BRAF: variants seen among roughly 807,000 people sequenced by gnomAD.
BRAF encodes the protein serine/threonine-protein kinase B-raf.
BRAF carries 16 observed loss-of-function variants against 104.6 expected under a neutral mutation model. That is an observed-to-expected ratio of 0.15 (90% CI 0.10 to 0.23). The LOEUF (loss-of-function observed/expected upper bound fraction) is 0.23, where lower values mean the gene tolerates loss of function less well. Ranked by LOEUF, BRAF falls within the 10% of genes least tolerant of loss-of-function variation. The probability of loss-of-function intolerance (pLI) is 1.00; values close to 1 mark genes in which losing one functional copy is unlikely to be tolerated. For synonymous variants in BRAF, 310 were observed against 341.6 expected, an observed-to-expected ratio of 0.91 and a Z score of 1.02; for missense variants, 541 against 937.3, an observed-to-expected ratio of 0.58 and a Z score of 5.52.
At chr7:140,745,048 G>A (rs540906516) in intron 17 of BRAF, among the ~76,000 whole-genome samples, 10 of 152,098 alleles carry the variant, frequency 6.6e-5, no homozygotes, top group African/African-American at 2.2e-4. Context: ...AATACAAATA[G>A]TTTGAAGAGA....
intron 1 of BRAF, among the ~76,000 whole-genome samples, chr7:140,914,966 G>GT (rs1817424793): frequency 3.5e-5 from 2 of 57,816 alleles, no homozygotes; most frequent in Admixed American, 1.4e-4. Context: ...CTTGAACCCG[G>GT]GGGGGGGGGG....
chr7:140,765,157 T>C (rs982834730), intron 14 of BRAF, among the ~76,000 whole-genome samples: 14 of 152,118 alleles, frequency 9.2e-5, no homozygotes, highest in Non-Finnish European at 1.8e-4. Flanking sequence ...TATCTACAAC[T>C]ATCTGATCTT....
intron 8 of BRAF, among the ~76,000 whole-genome samples, chr7:140,789,103 GGA>G (rs1269794168): frequency 1.3e-5 from 2 of 151,900 alleles, no homozygotes; most frequent in African/African-American, 4.8e-5. Flanking sequence ...TAGATACTCA[GGA>G]GGCTGAGGCA....
intron 8 of BRAF, among the ~76,000 whole-genome samples, chr7:140,787,875 A>G (rs1801555342): frequency 6.6e-6 from 1 of 152,202 alleles, no homozygotes; most frequent in South Asian, 2.1e-4. Context: ...TCAACAATCT[A>G]ATGCAGGAGC....
At chr7:140,884,458 T>C (rs919875395) in intron 1 of BRAF, among the ~76,000 whole-genome samples, 2 of 149,392 alleles carry the variant, frequency 1.3e-5, no homozygotes, top group African/African-American at 5.0e-5. Flanking sequence ...TGTGTGTGTG[T>C]GTGTGTGTGT....
At chr7:140,716,524 GTA>G, downstream of BRAF, among the ~76,000 whole-genome samples, 1 of 152,260 alleles carries the variant, frequency 6.6e-6, no homozygotes. Flanking sequence ...AGACCAGATT[GTA>G]AACATATTCC....
chr7:140,815,198 C>T (rs566502252), intron 3 of BRAF, among the ~76,000 whole-genome samples: 46 of 149,972 alleles, frequency 3.1e-4, no homozygotes, highest in African/African-American at 1.1e-3. Context: ...AGTGCAGTGG[C>T]GTGATCTCAG....
chr7:140,805,278 G>A (rs1005895673), intron 5 of BRAF, among the ~76,000 whole-genome samples: 6 of 151,970 alleles, frequency 3.9e-5, no homozygotes, highest in Non-Finnish European at 8.8e-5. Context: ...TCACTTTCTA[G>A]GGGATATAAA....
At chr7:140,795,385 T>G (rs1230434256) in intron 7 of BRAF, among the ~76,000 whole-genome samples, 2 of 152,186 alleles carry the variant, frequency 1.3e-5, no homozygotes, top group Non-Finnish European at 2.9e-5. Context: ...CTCACTTAAC[T>G]CCATCAGGAC....
In BRAF at chr7:140,723,679, C is replaced by T; in HGVS notation, c.*2815G>A. Reference sequence around the variant, plus strand: ...ACAAACAATCCTCTGTAGTTGCTCTCAAATTTTTCAGAAGGCTTCACCTCT... The same window carrying T: ...ACAAACAATCCTCTGTAGTTGCTCTTAAATTTTTCAGAAGGCTTCACCTCT... On this transcript the variant is annotated 3_prime_UTR_variant, in exon 20 of 20. Coordinates refer to ENST00000644969, the MANE Select transcript of BRAF (RefSeq NM_001374258.1). The T allele has an allele frequency of 9.5e-7, 1 of 1,051,198 alleles. No individual in the cohort carries two copies. The highest frequency in any genetic ancestry group is 4.6e-5 in the South Asian group (1 of 21,836). 65.1% of individuals were successfully genotyped at this position (1,051,198 alleles called of 1,614,324 possible).
chr7:140,772,615 G>A (rs1349025831), intron 14 of BRAF, among the ~76,000 whole-genome samples: 1 of 151,954 alleles, frequency 6.6e-6, no homozygotes, highest in African/African-American at 2.4e-5. Context: ...ACAGAGGAGT[G>A]AGACTCTGTC....
chr7:140,757,453 C>T (rs756936355), intron 14 of BRAF, among the ~76,000 whole-genome samples: 12 of 152,062 alleles, frequency 7.9e-5, no homozygotes, highest in Non-Finnish European at 1.5e-4. Flanking sequence ...CCATGCCCAG[C>T]TAATTTTTGT....
intron 1 of BRAF, among the ~76,000 whole-genome samples, chr7:140,874,532 T>TAAAAAAAAAAAAAAAA (rs71659759): frequency 1.2e-5 from 1 of 80,924 alleles, no homozygotes. Flanking sequence ...AGAAAAAAAG[T>TAAAAAAAAAAAAAAAA]AAAAAAAAAA....
chr7:140,906,087 CAAAAA>C (rs61150735), intron 1 of BRAF, among the ~76,000 whole-genome samples: 3 of 44,712 alleles, frequency 6.7e-5, no homozygotes, highest in East Asian at 6.0e-4. Context: ...GACTCCGTCT[CAAAAA>C]AAAAAAAAAA....
chr7:140,803,344 T>C (rs1053041614), intron 5 of BRAF, among the ~76,000 whole-genome samples: 4 of 152,194 alleles, frequency 2.6e-5, no homozygotes, highest in Admixed American at 6.5e-5. Context: ...GGAGAGAGAC[T>C]ATAAATACAA....
intron 1 of BRAF, among the ~76,000 whole-genome samples, chr7:140,899,006 A>G (rs1815277763): frequency 6.6e-6 from 1 of 152,196 alleles, no homozygotes; most frequent in African/African-American, 2.4e-5. Context: ...TTGTTCCATA[A>G]GTAAACACAC....
chr7:140,734,752 G>T lies in BRAF; in HGVS notation c.2266C>A (p.Leu756Met). 1 of 1,526,670 alleles carries T rather than the reference G, an allele frequency of 6.6e-7. No individual in the cohort carries two copies. The highest frequency in any genetic ancestry group is 8.8e-7 in the Non-Finnish European group (1 of 1,138,470). The allele number at this position is 1,526,670 out of a possible 1,614,324, so 94.6% of individuals were successfully genotyped here. Residue 756 changes from leucine (L) to methionine (M), a missense_variant, in exon 19 of 20, where the codon CTG becomes ATG. This residue lies in a region of BRAF where 129 missense variants were observed against 285.8 expected (regional missense o/e 0.45). Transcript: ENST00000644969. ...LFPQILASIE[L>M]LARSLPKIHR... ...ATTTTTGGCAATGAGCGGGCCAGCA[G>T]CTCAATAGAGGCGAGAATCTACAAA...
chr7:140,828,546 A>G (rs1259308240), intron 3 of BRAF, among the ~76,000 whole-genome samples: 1 of 152,232 alleles, frequency 6.6e-6, no homozygotes, highest in Admixed American at 6.5e-5. Flanking sequence ...AAGTAATATC[A>G]GAGTTTCCAA....
At chr7:140,910,489 T>C (rs1478187816) in intron 1 of BRAF, among the ~76,000 whole-genome samples, 1 of 152,082 alleles carries the variant, frequency 6.6e-6, no homozygotes, top group Non-Finnish European at 1.5e-5. Flanking sequence ...CCAAATGAAA[T>C]CCCAAGCACA....
Sources: allele counts gnomAD v4.1 joint callset (sites outside exome capture counted in the v4.1 genomes callset), GRCh38; gene constraint gnomAD v4.1.1; regional missense constraint gnomAD v4.1.1; transcripts MANE v1.5; gene names NCBI Gene and HGNC (gene_info 2026-07-23, HGNC 2026-07-21).